The following PLXNA4 variants were observed in gnomAD, a reference collection of about 807,000 sequenced individuals.
PLXNA4 encodes plexin A4, also known as plexin-A4.
PLXNA4 carries 44 observed loss-of-function variants against 191.8 expected under a neutral mutation model. That is an observed-to-expected ratio of 0.23 (90% CI 0.18 to 0.29). The LOEUF (loss-of-function observed/expected upper bound fraction) is 0.29. Among genes scored for constraint, PLXNA4 ranks in the 10% least tolerant of loss-of-function variants. The pLI is 1.00. For missense variants in PLXNA4, 1,800 were observed against 2,488.8 expected (o/e 0.72, Z 5.89); for synonymous variants, 1,082 against 1,009.5 (o/e 1.07, Z -1.36).
chr7:132,450,651 T>G (rs1796085617), intron 3 of PLXNA4, among the ~76,000 whole-genome samples: 2 of 152,188 alleles, frequency 1.3e-5, no homozygotes, highest in Admixed American at 1.3e-4. Context: ...AACGGTGGCA[T>G]CACTCCAGAA....
chr7:132,133,818 G>A (rs779009195), intron 30 of PLXNA4, among the ~76,000 whole-genome samples: 17 of 152,124 alleles, frequency 1.1e-4, no homozygotes, highest in Non-Finnish European at 2.2e-4. Context: ...CCCACCAGAG[G>A]GGGGTTGCGC....
intron 3 of PLXNA4, among the ~76,000 whole-genome samples, chr7:132,461,254 C>A: frequency 6.6e-6 from 1 of 152,196 alleles, no homozygotes; most frequent in Admixed American, 6.5e-5. Flanking sequence ...GCCTCTTCCT[C>A]TGATCCAGAG....
At chr7:132,174,059 A>G (rs942638758) in intron 21 of PLXNA4, among the ~76,000 whole-genome samples, 2 of 152,188 alleles carry the variant, frequency 1.3e-5, no homozygotes, top group Non-Finnish European at 2.9e-5. Flanking sequence ...AAGGGCTTAA[A>G]CTGTGCTAAG....
chr7:132,557,698 G>C (rs1303486472), intron 1 of PLXNA4, among the ~76,000 whole-genome samples: 1 of 152,036 alleles, frequency 6.6e-6, no homozygotes, highest in Non-Finnish European at 1.5e-5. Flanking sequence ...GTACGTCTGT[G>C]GTCTAGAGAC....
chr7:132,547,403 A>G (rs962470651), intron 1 of PLXNA4, among the ~76,000 whole-genome samples: 32 of 151,972 alleles, frequency 2.1e-4, no homozygotes, highest in Non-Finnish European at 1.0e-4. Context: ...ACCCCCCCAC[A>G]CCTACATCTC....
chr7:132,496,192 G>C (rs1585223061), intron 2 of PLXNA4, among the ~76,000 whole-genome samples: 3 of 152,280 alleles, frequency 2.0e-5, no homozygotes, highest in Middle Eastern at 3.4e-3. Flanking sequence ...TCTGGCTTAT[G>C]AAACAGTATT....
chr7:132,378,938 G>T (rs565422732), intron 3 of PLXNA4, among the ~76,000 whole-genome samples: 1 of 141,422 alleles, frequency 7.1e-6, no homozygotes, highest in African/African-American at 2.7e-5. Flanking sequence ...TACAACCTCC[G>T]CCTCCCAGGC....
chr7:132,303,878 C>T (rs986406459), intron 3 of PLXNA4, among the ~76,000 whole-genome samples: 5 of 152,182 alleles, frequency 3.3e-5, no homozygotes, highest in African/African-American at 1.2e-4. Flanking sequence ...TAAGGCCTCT[C>T]TTTGTTCTTC....
At chr7:132,533,951 A>G (rs1381608835) in intron 1 of PLXNA4, among the ~76,000 whole-genome samples, 1 of 151,840 alleles carries the variant, frequency 6.6e-6, no homozygotes, top group African/African-American at 2.4e-5. Context: ...TATTATTACT[A>G]TTATTATGTT....
chr7:132,385,660 C>T (rs1361588981), intron 3 of PLXNA4, among the ~76,000 whole-genome samples: 1 of 152,170 alleles, frequency 6.6e-6, no homozygotes, highest in Non-Finnish European at 1.5e-5. Context: ...AACCTCAAAG[C>T]CCCATCTTAC....
chr7:132,599,310 T>C lies in PLXNA4; in HGVS notation c.-87+46618A>G, dbSNP rs202080281. Among the ~76,000 whole-genome samples, 4 of 152,352 alleles carry C rather than the reference T, an allele frequency of 2.6e-5. No homozygotes were observed. In the East Asian group the frequency reaches 7.7e-4, roughly 29 times the overall value. Reference sequence around the variant, plus strand: ...TTGATTCAAAGGTGCAACACACATATTGGTTAATTGGAGACTAATTGATAT... The same window carrying C: ...TTGATTCAAAGGTGCAACACACATACTGGTTAATTGGAGACTAATTGATAT... On this transcript the variant is annotated intron_variant, in intron 2 of 4. Transcript: ENST00000378539.
At chr7:132,242,619 C>T (rs1482404741) in intron 4 of PLXNA4, among the ~76,000 whole-genome samples, 3 of 152,182 alleles carry the variant, frequency 2.0e-5, no homozygotes, top group Non-Finnish European at 4.4e-5. Context: ...TGCGCTTTCA[C>T]TTCTTTCAAG....
intron 4 of PLXNA4, among the ~76,000 whole-genome samples, chr7:132,294,575 G>A (rs1188900547): frequency 2.0e-5 from 3 of 152,190 alleles, no homozygotes; most frequent in East Asian, 3.9e-4. Flanking sequence ...GAGGGCTATT[G>A]CAAATATTCA....
At chr7:132,604,451 C>G (rs1373266220) in intron 2 of PLXNA4, among the ~76,000 whole-genome samples, 1 of 152,198 alleles carries the variant, frequency 6.6e-6, no homozygotes, top group Non-Finnish European at 1.5e-5. Context: ...AACTCATACC[C>G]TTGCATCCTC....
chr7:132,429,570 A>G (rs1332020063), intron 3 of PLXNA4, among the ~76,000 whole-genome samples: 1 of 152,204 alleles, frequency 6.6e-6, no homozygotes, highest in Non-Finnish European at 1.5e-5. Context: ...TTATTTTCAC[A>G]TGCCATGATA....
At chr7:132,305,361 AACACACACACAC>A (rs57158164) in intron 3 of PLXNA4, among the ~76,000 whole-genome samples, 31 of 131,174 alleles carry the variant, frequency 2.4e-4, no homozygotes, top group Admixed American at 3.0e-4. Context: ...GCTTACCAAG[AACACACACACAC>A]ACACACACAC....
intron 4 of PLXNA4, among the ~76,000 whole-genome samples, chr7:132,253,025 G>A (rs534514543): frequency 2.6e-4 from 39 of 152,200 alleles, no homozygotes; most frequent in Non-Finnish European, 4.3e-4. Flanking sequence ...TGCAAACCTC[G>A]TGCAAAGAAT....
Position 132,332,749 on chromosome 7 carries a change from A to G in PLXNA4, c.1372-34527T>C, listed in dbSNP as rs529528790. 2.1e-4 allele frequency among the ~76,000 whole-genome samples: 32 copies of G among 151,850 alleles called. No individual in the cohort carries two copies. The South Asian group carries it at 6.5e-3, about 31-fold the overall frequency. Reference sequence around the variant, plus strand: ...TGGGCGAGGGCCTGTAGTCCCAGCTACTCAGGAGGCTGCAGTAGAAGGATC... The same window carrying G: ...TGGGCGAGGGCCTGTAGTCCCAGCTGCTCAGGAGGCTGCAGTAGAAGGATC... On this transcript the variant is annotated intron_variant, in intron 3 of 31. Transcript: ENST00000321063.
rs1243898777 is a variant in PLXNA4 at position 132,187,500 on chromosome 7, C to A, written c.2964G>T (p.Met988Ile). 1 of 1,613,954 alleles carries A rather than the reference C, an allele frequency of 6.2e-7. No homozygotes were observed. Among genetic ancestry groups the A allele is most frequent in the African/African-American group, 1.3e-5 (1 of 74,918 alleles). The change falls in exon 15 of 32, where the codon ATG (methionine) becomes ATT (isoleucine). Residue 988 changes from methionine (M) to isoleucine (I), a missense_variant. By Grantham distance (10) the Met-to-Ile change is conservative (BLOSUM62 1). Around this residue, in one of 6 missense-constraint regions of PLXNA4, gnomAD observed 1,397 missense variants for 1,880.4 expected, o/e 0.74. Coordinates refer to ENST00000321063, the MANE Select transcript of PLXNA4 (RefSeq NM_020911.2). ...GGAAGAGACAGGGCTGCTTTCCAAACATCACCACCACGTTGCTTCCGGCAT... is the reference window on the plus strand; with the variant it reads ...GGAAGAGACAGGGCTGCTTTCCAAAAATCACCACCACGTTGCTTCCGGCAT... Reference protein sequence around the residue: ...NLNAGSNVVVMFGKQPCLFHR... With the variant: ...NLNAGSNVVVIFGKQPCLFHR...
Sources: allele counts gnomAD v4.1 joint callset (sites outside exome capture counted in the v4.1 genomes callset), GRCh38; gene constraint gnomAD v4.1.1; regional missense constraint gnomAD v4.1.1; transcripts MANE v1.5; gene names NCBI Gene and HGNC (gene_info 2026-07-23, HGNC 2026-07-21).